MAP4K5: variants seen among roughly 807,000 people sequenced by gnomAD.
MAP4K5 encodes the protein mitogen-activated protein kinase kinase kinase kinase 5.
Under a neutral mutation model 135.6 loss-of-function variants are expected in MAP4K5, and 82 were observed. The ratio of observed to expected loss-of-function variants is 0.60; its 90% CI spans 0.51 to 0.73. The LOEUF is 0.73. Among genes scored for constraint, MAP4K5 ranks in the 30% least tolerant of loss-of-function variants. The pLI is 0.00. For missense variants in MAP4K5, 907 were observed against 1,010.9 expected, an observed-to-expected ratio of 0.90 and a Z score of 1.39; for synonymous variants, 347 against 335.0, an observed-to-expected ratio of 1.04 and a Z score of -0.39.
intron 1 of MAP4K5, among the ~76,000 whole-genome samples, chr14:50,544,676 G>T (rs1409490309): frequency 1.3e-5 from 2 of 152,114 alleles, no homozygotes; most frequent in Admixed American, 1.3e-4. Context: ...GCTCACACTT[G>T]TAATCTCAGA....
chr14:50,463,576 T>C (rs1415977143), intron 12 of MAP4K5, among the ~76,000 whole-genome samples: 1 of 152,082 alleles, frequency 6.6e-6, no homozygotes, highest in Non-Finnish European at 1.5e-5. Context: ...ATATTTACTA[T>C]GTGACCCGCC....
chr14:50,504,876 C>A lies in MAP4K5; in HGVS notation c.109-19G>T. 1 of 1,501,260 alleles carries A rather than the reference C, an allele frequency of 6.7e-7. No homozygotes were observed. Among genetic ancestry groups the A allele is most frequent in the Non-Finnish European group, 8.9e-7 (1 of 1,119,450 alleles). The allele number at this position is 1,501,260 out of a possible 1,614,324, so 93.0% of individuals were successfully genotyped here. A position where few individuals can be genotyped will look rare whatever the true frequency, so the allele number is the denominator to read the frequency against. On this transcript the variant is annotated intron_variant, in intron 2 of 32. Transcript: ENST00000682126. ...TTCTGGCCTAAAAATAAAATAAAAA[C>A]AAAAATCTTGTTAATTAAAAGCTTG...
intron 3 of MAP4K5, among the ~76,000 whole-genome samples, chr14:50,491,903 T>A (rs1367050890): frequency 6.6e-6 from 1 of 152,080 alleles, no homozygotes; most frequent in Admixed American, 6.5e-5. Context: ...CCCAGGCTGG[T>A]CTCGAACTTC....
intron 2 of MAP4K5, among the ~76,000 whole-genome samples, chr14:50,512,282 A>C (rs1363260750): frequency 1.3e-5 from 2 of 152,148 alleles, no homozygotes; most frequent in Non-Finnish European, 2.9e-5. Context: ...TTTATGAGCC[A>C]ATTTTTATTA....
chr14:50,546,940 T>C (rs1187791219), intron 1 of MAP4K5, among the ~76,000 whole-genome samples: 1 of 152,160 alleles, frequency 6.6e-6, no homozygotes, highest in South Asian at 2.1e-4. Context: ...TGCACCCATA[T>C]ACCCGTCATC....
chr14:50,549,173 C>G (rs1171176691), intron 1 of MAP4K5, among the ~76,000 whole-genome samples: 1 of 152,076 alleles, frequency 6.6e-6, no homozygotes, highest in Admixed American at 6.5e-5. Context: ...ATAAGGGGAC[C>G]CCACCAATAC....
chr14:50,515,682 G>C (rs2038020933), intron 2 of MAP4K5, among the ~76,000 whole-genome samples: 1 of 152,110 alleles, frequency 6.6e-6, no homozygotes, highest in African/African-American at 2.4e-5. Context: ...TCTTGTATAG[G>C]TTTTATTTTC....
chr14:50,473,399 A>T (rs940019260), intron 9 of MAP4K5, among the ~76,000 whole-genome samples: 1 of 152,118 alleles, frequency 6.6e-6, no homozygotes, highest in Admixed American at 6.5e-5. Context: ...GAAATCCGTA[A>T]CTTCTTGTGA....
chr14:50,439,736 G>A (rs530054983), intron 23 of MAP4K5, among the ~76,000 whole-genome samples: 87 of 152,238 alleles, frequency 5.7e-4, no homozygotes, highest in Middle Eastern at 3.4e-3. Flanking sequence ...TAGTGGAGGA[G>A]GCTGAGTGGA....
chr14:50,486,281 A>G (rs1017076726), intron 3 of MAP4K5, 87 bp from the exon 4 acceptor site: 1 of 557,788 alleles, frequency 1.8e-6, no homozygotes, highest in Non-Finnish European at 3.2e-6. Flanking sequence ...TAAATATTAG[A>G]GATGAGGAAT....
chr14:50,426,493 G>A (rs1477558221), intron 30 of MAP4K5, among the ~76,000 whole-genome samples: 2 of 152,182 alleles, frequency 1.3e-5, no homozygotes, highest in Non-Finnish European at 2.9e-5. Flanking sequence ...GGGAGGCCGA[G>A]GTGGGTGGAT....
At chr14:50,490,130 A>AGTGTGTGTGTGTGTGTGTGTGTGT (rs34549753) in intron 3 of MAP4K5, among the ~76,000 whole-genome samples, 1 of 121,206 alleles carries the variant, frequency 8.3e-6, no homozygotes, top group Non-Finnish European at 1.7e-5. Context: ...AGCGAGTGAG[A>AGTGTGTGTGTGTGTGTGTGTGTGT]GTGTGTGTGT....
intron 13 of MAP4K5, among the ~76,000 whole-genome samples, chr14:50,457,354 T>C (rs931950987): frequency 9.9e-5 from 15 of 152,184 alleles, no homozygotes; most frequent in African/African-American, 3.1e-4. Flanking sequence ...GGGAGAAATA[T>C]TGGATACAGG....
rs1392792071 is a variant in MAP4K5 at position 50,473,568 on chromosome 14, T to G, written c.542+1509A>C. 2.0e-5 allele frequency among the ~76,000 whole-genome samples: 3 copies of G among 152,288 alleles called. No homozygotes were observed. The East Asian group carries it at 5.8e-4, about 29-fold the overall frequency. ...TCCTGTTTTTTTACTTGCCTTTTAA[T>G]TTTGTTTAAGCTGGTGGACATAAAC... is the stretch of plus-strand genomic sequence containing the variant. On this transcript the variant is annotated intron_variant, in intron 9 of 32. Transcript: ENST00000682126.
chr14:50,460,003 T>C (rs966808409), intron 13 of MAP4K5, among the ~76,000 whole-genome samples: 3 of 152,156 alleles, frequency 2.0e-5, no homozygotes, highest in Non-Finnish European at 4.4e-5. Context: ...CAACCCAGAC[T>C]GACTTTTCTT....
At position 50,531,996 on chromosome 14, in the gene MAP4K5, C is replaced by T; in HGVS notation, c.54G>A (p.Gln18=). ...AADILRRNPQ[Q]DYELVQRVGS... ...CGACCCTCTGGACGAGTTCGTAGTC[C>T]TGCTGCGGGTTCCGCCTCAGGATGT... Residue 18 remains glutamine, a synonymous_variant, in exon 2 of 33, where the codon CAG becomes CAA. Transcript: ENST00000682126. The T allele has an allele frequency of 1.2e-6, 2 of 1,601,920 alleles. No individual in the cohort carries two copies. Among genetic ancestry groups the T allele is most frequent in the Non-Finnish European group, 8.5e-7 (1 of 1,174,404 alleles).
chr14:50,437,820 G>A, intron 25 of MAP4K5, 74 bp downstream of exon 25: 1 of 978,452 alleles, frequency 1.0e-6, no homozygotes, highest in South Asian at 1.4e-5. Flanking sequence ...TTTTTACTGG[G>A]CAAGAAATAC....
intron 2 of MAP4K5, among the ~76,000 whole-genome samples, chr14:50,511,894 A>G (rs2037937482): frequency 6.6e-6 from 1 of 152,272 alleles, no homozygotes; most frequent in East Asian, 1.9e-4. Context: ...TAGGGGAGGA[A>G]GGAAAGAGAC....
At chr14:50,472,638 A>T (rs1018559818) in intron 9 of MAP4K5, 2 of 152,322 alleles carry the variant, frequency 1.3e-5, no homozygotes, top group East Asian at 3.9e-4. Flanking sequence ...ACATGAAAGA[A>T]GTCATTTCTG....
Sources: allele counts gnomAD v4.1 joint callset (sites outside exome capture counted in the v4.1 genomes callset), GRCh38; gene constraint gnomAD v4.1.1; transcripts MANE v1.5; gene names NCBI Gene and HGNC (gene_info 2026-07-23, HGNC 2026-07-21).